ZNF532: variants seen among roughly 807,000 people sequenced by gnomAD.
ZNF532 encodes the protein zinc finger protein 532.
ZNF532 carries 22 observed loss-of-function variants against 89.3 expected under a neutral mutation model. That is an observed-to-expected ratio of 0.25 (90% confidence interval 0.18 to 0.35). The LOEUF is 0.35. Ranked by LOEUF, ZNF532 falls within the 10% of genes least tolerant of loss-of-function variation. ZNF532 has a pLI of 1.00. For synonymous variants in ZNF532, 606 were observed against 649.6 expected (o/e 0.93, Z 1.02); for missense variants, 1,132 against 1,643.4 (o/e 0.69, Z 5.38).
intron 2 of ZNF532, among the ~76,000 whole-genome samples, chr18:58,894,705 T>G (rs547995021): frequency 6.6e-6 from 1 of 152,336 alleles, no homozygotes; most frequent in South Asian, 2.1e-4. Context: ...TCATTAGACT[T>G]GAAGCCATCC....
At chr18:58,901,329 C>T (rs1430695633) in intron 2 of ZNF532, among the ~76,000 whole-genome samples, 2 of 152,126 alleles carry the variant, frequency 1.3e-5, no homozygotes, top group Admixed American at 6.5e-5. Flanking sequence ...TGACCTCAGT[C>T]CTCCCGCCTC....
chr18:58,888,810 AAAAATTATATATAT>A lies in ZNF532; in HGVS notation c.-18+23235_-18+23248del, dbSNP rs2058598485. 1.7e-4 allele frequency among the ~76,000 whole-genome samples: 2 copies of A among 11,768 alleles called. 1 individual carries two copies. The highest frequency in any genetic ancestry group is 6.6e-3 in the South Asian group (2 of 304). 7.7% of individuals were successfully genotyped at this position (11,768 alleles called of 152,430 possible). Reference sequence around the variant, plus strand: ...AAAATATATATAATTTATATATATAAAAAATTATATATATAAATTATATATATAATTTATATATA... The same window carrying A: ...AAAATATATATAATTTATATATATAAAAATTATATATATAATTTATATATA... On this transcript the variant is annotated intron_variant, in intron 2 of 9. Transcript: ENST00000591808.
Position 58,985,965 on chromosome 18 carries a change from G to A in ZNF532, c.*1499G>A, listed in dbSNP as rs2068355895. The A allele has an allele frequency of 6.6e-6, 1 of 152,544 alleles. No homozygotes were observed. Among genetic ancestry groups the A allele is most frequent in the South Asian group, 2.1e-4 (1 of 4,826 alleles). The allele number at this position is 152,544 out of a possible 1,614,324, so 9.4% of individuals were successfully genotyped here. ...ATTTGGCCCTTGTGCTTCTGTGAGAGAATTATTGATGGTGGGTCTCTGACA... is the reference window on the plus strand; with the variant it reads ...ATTTGGCCCTTGTGCTTCTGTGAGAAAATTATTGATGGTGGGTCTCTGACA... On this transcript the variant is annotated 3_prime_UTR_variant, in exon 10 of 10. Coordinates refer to ENST00000591808, the MANE Select transcript of ZNF532 (RefSeq NM_001375912.1).
intron 6 of ZNF532, among the ~76,000 whole-genome samples, chr18:58,952,711 C>T (rs1280176093): frequency 6.6e-5 from 10 of 152,184 alleles, no homozygotes; most frequent in Admixed American, 1.3e-4. Flanking sequence ...CACCCCACCC[C>T]GCTGTTTTTA....
chr18:58,868,745 G>A (rs1250624652), intron 2 of ZNF532, among the ~76,000 whole-genome samples: 1 of 152,194 alleles, frequency 6.6e-6, no homozygotes, highest in African/African-American at 2.4e-5. Context: ...GTAAGCATTT[G>A]TGTGAAACAG....
chr18:58,948,653 C>T (rs745994581), intron 6 of ZNF532, among the ~76,000 whole-genome samples: 5 of 151,062 alleles, frequency 3.3e-5, no homozygotes, highest in African/African-American at 7.3e-5. Context: ...CTGCAACCTC[C>T]GCCTCCCAGG....
At chr18:58,885,623 G>A (rs2058245418) in intron 2 of ZNF532, among the ~76,000 whole-genome samples, 1 of 152,100 alleles carries the variant, frequency 6.6e-6, no homozygotes, top group Non-Finnish European at 1.5e-5. Context: ...GGGAGGCCGA[G>A]GAGGGTGAAT....
intron 7 of ZNF532, among the ~76,000 whole-genome samples, chr18:58,975,686 A>G (rs2066971966): frequency 6.6e-6 from 1 of 152,244 alleles, no homozygotes; most frequent in Admixed American, 6.5e-5. Context: ...GACGGGAGGA[A>G]GAAAGTTTAG....
intron 7 of ZNF532, among the ~76,000 whole-genome samples, chr18:58,958,209 C>T (rs929793762): frequency 4.0e-5 from 6 of 151,722 alleles, no homozygotes; most frequent in Non-Finnish European, 5.9e-5. Flanking sequence ...AGTTATTTGT[C>T]GTAATCTGAT....
At chr18:58,934,707 A>G (rs565703374) in intron 4 of ZNF532, 93 bp downstream of exon 4, 10 of 1,222,414 alleles carry the variant, frequency 8.2e-6, no homozygotes, top group East Asian at 4.7e-5. Context: ...TTTCTGGGTC[A>G]TACGGTGATA....
chr18:58,933,928 A>G (rs1218264656), intron 3 of ZNF532, among the ~76,000 whole-genome samples: 1 of 152,210 alleles, frequency 6.6e-6, no homozygotes, highest in African/African-American at 2.4e-5. Flanking sequence ...AAGAACAAAT[A>G]ATTGCTGTAG....
intron 7 of ZNF532, among the ~76,000 whole-genome samples, chr18:58,955,786 G>C (rs2064708383): frequency 6.6e-6 from 1 of 152,220 alleles, no homozygotes; most frequent in Non-Finnish European, 1.5e-5. Flanking sequence ...AATCATCTTA[G>C]TCTCAGGCTT....
intron 5 of ZNF532, among the ~76,000 whole-genome samples, chr18:58,945,739 T>A (rs11876708): frequency 0.08 from 12,088 of 151,824 alleles, 714 homozygotes; most frequent in African/African-American, 0.16. Flanking sequence ...TTATTTTTTT[T>A]TTTTTTTGAG....
chr18:58,904,830 ATTTC>A (rs1380873963), intron 2 of ZNF532, among the ~76,000 whole-genome samples: 58 of 146,584 alleles, frequency 4.0e-4, no homozygotes, highest in African/African-American at 1.4e-3. Context: ...TTGAAATTCT[ATTTC>A]TTTCTTTTTT....
intron 2 of ZNF532, among the ~76,000 whole-genome samples, chr18:58,881,411 G>T (rs2057916109): frequency 6.6e-6 from 1 of 152,174 alleles, no homozygotes; most frequent in Non-Finnish European, 1.5e-5. Context: ...GGGATTACAC[G>T]CATGAGCCAC....
intron 4 of ZNF532, among the ~76,000 whole-genome samples, chr18:58,938,475 G>A (rs1365244435): frequency 6.6e-6 from 1 of 152,242 alleles, no homozygotes; most frequent in Non-Finnish European, 1.5e-5. Context: ...AATTCATAAA[G>A]TAAGGAGGTT....
At chr18:58,902,212 TGTGGG>T (rs1202112285) in intron 2 of ZNF532, among the ~76,000 whole-genome samples, 1 of 151,388 alleles carries the variant, frequency 6.6e-6, no homozygotes, top group Non-Finnish European at 1.5e-5. Context: ...GGTGTGGAGG[TGTGGG>T]GTGGGCAGGG....
rs945747579 is a variant in ZNF532, at chr18:58,953,927, T to C, written c.3150+128T>C. 2.8e-6 allele frequency: 4 copies of C among 1,447,564 alleles called. No individual in the cohort carries two copies. The Admixed American group carries it at 1.1e-4, about 40-fold the overall frequency. 89.7% of individuals were successfully genotyped at this position (1,447,564 alleles called of 1,614,324 possible). A position where few individuals can be genotyped will look rare whatever the true frequency, so the allele number is the denominator to read the frequency against. ...TGCTGTGACCTTAAAAATCACTTGG[T>C]GTCTCTCTGCCTCACTTCTTTATCT... On this transcript the variant is annotated intron_variant, in intron 7 of 9. Transcript: ENST00000591808.
chr18:58,869,712 GTGAAGAGGGGAGATTTTGGAAGATT>G (rs1198572778), intron 2 of ZNF532, among the ~76,000 whole-genome samples: 1 of 151,106 alleles, frequency 6.6e-6, no homozygotes, highest in Non-Finnish European at 1.5e-5. Flanking sequence ...AGTGAAAGCA[GTGAAGAGGGGAGATTTTGGAAGATT>G]TGTTTGGAAG....
Sources: gnomAD v4.1 joint callset for allele counts (sites outside exome capture counted in the v4.1 genomes callset) on GRCh38, gnomAD v4.1.1 for gene constraint, MANE v1.5 for transcripts, NCBI Gene and HGNC (gene_info 2026-07-23, HGNC 2026-07-21) for gene names.